LRRC7: variants seen among roughly 807,000 people sequenced by gnomAD.
LRRC7 encodes leucine-rich repeat-containing protein 7.
A neutral mutation model predicts 175.7 loss-of-function variants in LRRC7; 23 were observed. That is an observed-to-expected ratio of 0.13 (90% CI 0.09 to 0.19). The LOEUF is 0.19. Among genes scored for constraint, LRRC7 ranks in the 10% least tolerant of loss-of-function variants. LRRC7 has a pLI of 1.00. For synonymous variants in LRRC7, 685 were observed against 680.9 expected, an observed-to-expected ratio of 1.01 and a Z score of -0.09; for missense variants, 1,354 against 1,904.7, an observed-to-expected ratio of 0.71 and a Z score of 5.38.
intron 7 of LRRC7, among the ~76,000 whole-genome samples, chr1:69,921,451 A>T (rs905113108): frequency 1.3e-5 from 2 of 152,134 alleles, no homozygotes; most frequent in Non-Finnish European, 2.9e-5. Flanking sequence ...TCCACCTTAG[A>T]TTTATTCCAT....
At chr1:69,683,679 A>G (rs1025457425) in intron 2 of LRRC7, among the ~76,000 whole-genome samples, 5 of 152,198 alleles carry the variant, frequency 3.3e-5, no homozygotes, top group African/African-American at 1.2e-4. Context: ...TAAAAAGATT[A>G]AATTTTTGAT....
chr1:70,085,125 G>A (rs757382759), intron 24 of LRRC7, among the ~76,000 whole-genome samples: 4 of 151,964 alleles, frequency 2.6e-5, no homozygotes, highest in Non-Finnish European at 5.9e-5. Context: ...CTTCTTTGAA[G>A]CACAAAAGTT....
chr1:69,689,814 G>C (rs965273118), intron 2 of LRRC7, among the ~76,000 whole-genome samples: 2 of 152,226 alleles, frequency 1.3e-5, no homozygotes, highest in East Asian at 3.9e-4. Context: ...CAGTTAAACA[G>C]TGTCGTAACA....
At chr1:69,705,170 T>G (rs1663872104) in intron 2 of LRRC7, among the ~76,000 whole-genome samples, 1 of 152,080 alleles carries the variant, frequency 6.6e-6, no homozygotes, top group African/African-American at 2.4e-5. Flanking sequence ...CCCCCAAAAC[T>G]CAGTGTTTAC....
At chr1:69,702,519 T>C (rs1663491861) in intron 2 of LRRC7, among the ~76,000 whole-genome samples, 1 of 152,118 alleles carries the variant, frequency 6.6e-6, no homozygotes, top group African/African-American at 2.4e-5. Flanking sequence ...CTTTTCAGAC[T>C]TTTTTTCTCT....
rs748051870 is a variant in LRRC7 at position 69,760,169 on chromosome 1, T to C, written c.101-22T>C. ...GCACTGGATAAGCTGTTTTGTTTTG[T>C]TTTGTTTCTGCGTTTCTCTAGTGCA... On this transcript the variant is annotated intron_variant, in intron 2 of 26. Coordinates refer to ENST00000651989, the MANE Select transcript of LRRC7 (RefSeq NM_001370785.2). 3 of 1,610,066 alleles carry C rather than the reference T, an allele frequency of 1.9e-6. No homozygotes were observed. The East Asian group carries it at 6.7e-5, about 36-fold the overall frequency.
At chr1:69,636,435 AC>A (rs1310573199) in intron 1 of LRRC7, among the ~76,000 whole-genome samples, 3 of 151,814 alleles carry the variant, frequency 2.0e-5, no homozygotes, top group Non-Finnish European at 4.4e-5. Flanking sequence ...ACACACACAC[AC>A]ACACACACAG....
rs1553155199 is a variant in LRRC7, at chr1:69,781,786, A to AAGG, written c.304-10256_304-10255insGGA. ...GAGAGAAAGAAAGAAAGAAAGAAAG[A>AAGG]AAGGAAGGAAGGAAGGAAGGAAGGA... is the stretch of plus-strand genomic sequence containing the variant. On this transcript the variant is annotated intron_variant, in intron 3 of 26. Coordinates refer to ENST00000651989, the MANE Select transcript of LRRC7 (RefSeq NM_001370785.2). Among the ~76,000 whole-genome samples the AAGG allele has an allele frequency of 1.1e-3, 31 of 28,248 alleles. 1 individual carries two copies. The highest frequency in any genetic ancestry group is 2.1e-3 in the African/African-American group (10 of 4,666). The allele number at this position is 28,248 out of a possible 152,430, so 18.5% of individuals were successfully genotyped here.
At chr1:69,841,255 C>T (rs534478341) in intron 7 of LRRC7, among the ~76,000 whole-genome samples, 15 of 151,998 alleles carry the variant, frequency 9.9e-5, no homozygotes, top group Admixed American at 2.6e-4. Context: ...TGTGGCTGCT[C>T]GCTTCCTTCT....
intron 8 of LRRC7, among the ~76,000 whole-genome samples, chr1:69,965,657 G>A (rs1046542922): frequency 6.6e-6 from 1 of 151,776 alleles, no homozygotes; most frequent in African/African-American, 2.4e-5. Context: ...AATGTGATGG[G>A]CTTCTGAAAT....
intron 7 of LRRC7, among the ~76,000 whole-genome samples, chr1:69,926,585 T>A (rs1326219361): frequency 6.7e-6 from 1 of 149,846 alleles, no homozygotes; most frequent in Non-Finnish European, 1.5e-5. Flanking sequence ...TCTCTTTTGA[T>A]CTTTGTTGGT....
At chr1:69,857,500 C>T (rs1683807719) in intron 7 of LRRC7, among the ~76,000 whole-genome samples, 1 of 151,110 alleles carries the variant, frequency 6.6e-6, no homozygotes. Flanking sequence ...TGAGTGAACT[C>T]CCATTCACAA....
chr1:69,888,351 G>T (rs182463865), intron 7 of LRRC7, among the ~76,000 whole-genome samples: 4 of 152,290 alleles, frequency 2.6e-5, no homozygotes, highest in South Asian at 2.1e-4. Flanking sequence ...TCTGAAAAGC[G>T]CAATATTCGG....
intron 4 of LRRC7, among the ~76,000 whole-genome samples, chr1:69,808,407 C>T (rs183308544): frequency 4.6e-5 from 7 of 151,826 alleles, no homozygotes; most frequent in East Asian, 3.9e-4. Context: ...CTGGACCAAG[C>T]GCACCTAACA....
chr1:69,668,296 GC>G (rs556964288), intron 1 of LRRC7, among the ~76,000 whole-genome samples: 174 of 151,096 alleles, frequency 1.2e-3, no homozygotes, highest in African/African-American at 3.9e-3. Context: ...CCCTCCCCTA[GC>G]CCCCCATCCC....
At chr1:69,905,500 A>T (rs1646273508) in intron 7 of LRRC7, among the ~76,000 whole-genome samples, 1 of 152,124 alleles carries the variant, frequency 6.6e-6, no homozygotes. Flanking sequence ...GAGTGAGAAC[A>T]TGCGGTGTTT....
rs565788677 is a variant in LRRC7, at chr1:69,991,100, G to A, written c.932-3461G>A. ...AGCCCAGGAGTTCAGAGGTTGCAGA[G>A]AGCTATGATTGTACCACTGCACTCC... On this transcript the variant is annotated intron_variant, in intron 10 of 26. Transcript: ENST00000651989. Among the ~76,000 whole-genome samples the A allele has an allele frequency of 4.7e-5, 7 of 150,234 alleles. No homozygotes were observed. The South Asian group carries it at 1.5e-3, about 31-fold the overall frequency.
intron 8 of LRRC7, among the ~76,000 whole-genome samples, chr1:69,935,992 C>T (rs1308269767): frequency 2.6e-5 from 4 of 152,012 alleles, no homozygotes; most frequent in African/African-American, 7.2e-5. Context: ...ATTATTTATA[C>T]TGTGTACTGT....
At chr1:69,670,130 A>G (rs1658860884) in intron 1 of LRRC7, among the ~76,000 whole-genome samples, 1 of 152,012 alleles carries the variant, frequency 6.6e-6, no homozygotes, top group African/African-American at 2.4e-5. Context: ...GATGGTCTTG[A>G]TGCTTATAGA....
Sources: allele counts gnomAD v4.1 joint callset (sites outside exome capture counted in the v4.1 genomes callset), GRCh38; gene constraint gnomAD v4.1.1; transcripts MANE v1.5; gene names NCBI Gene and HGNC (gene_info 2026-07-23, HGNC 2026-07-21).